The following KCNJ16 variants were observed in gnomAD, a reference collection of about 807,000 sequenced individuals.
KCNJ16 encodes the protein potassium inwardly rectifying channel subfamily J member 16, also known as inward rectifier potassium channel 16.
A neutral mutation model predicts 18.5 loss-of-function variants in KCNJ16; 15 were observed. The ratio of observed to expected loss-of-function variants is 0.81; its 90% CI spans 0.54 to 1.25. The LOEUF (loss-of-function observed/expected upper bound fraction) is 1.25. Ranked by LOEUF, KCNJ16 falls within the 50% of genes most tolerant of loss-of-function variation. The pLI, the probability that KCNJ16 is intolerant of heterozygous loss-of-function variation, is 0.00. For synonymous variants in KCNJ16, 174 were observed against 186.5 expected (o/e 0.93, Z 0.55); for missense variants, 523 against 525.7 (o/e 0.99, Z 0.05).
intron 2 of KCNJ16, among the ~76,000 whole-genome samples, chr17:70,116,585 TG>T (rs1185332789): frequency 6.6e-6 from 1 of 152,202 alleles, no homozygotes; most frequent in Non-Finnish European, 1.5e-5. Flanking sequence ...ACATTAATAT[TG>T]GGGGAGTCAC....
intron 2 of KCNJ16, among the ~76,000 whole-genome samples, chr17:70,104,376 G>T (rs1216377048): frequency 6.6e-6 from 1 of 152,180 alleles, no homozygotes; most frequent in Non-Finnish European, 1.5e-5. Context: ...TCTAAACTTT[G>T]TCCTTGGAGT....
intron 1 of KCNJ16, among the ~76,000 whole-genome samples, chr17:70,083,156 G>A (rs1488514858): frequency 6.7e-6 from 1 of 150,288 alleles, no homozygotes; most frequent in Admixed American, 6.7e-5. Context: ...CCAGGTTCAA[G>A]CAATTCTCTT....
rs111472888 is a variant in KCNJ16, at chr17:70,135,188, C to T, written c.*1844C>T. On this transcript the variant is annotated 3_prime_UTR_variant, in exon 4 of 4. Coordinates refer to ENST00000392671, the MANE Select transcript of KCNJ16 (RefSeq NM_170741.4). Reference sequence around the variant, plus strand: ...TTTTTAGTCTTGCTTGAGGAATGCACACTCCATTTAAAAAATTGTGCGCTC... The same window carrying T: ...TTTTTAGTCTTGCTTGAGGAATGCATACTCCATTTAAAAAATTGTGCGCTC... 0.015 allele frequency: 2,561 copies of T among 166,960 alleles called. 26 individuals are homozygous for T. The highest frequency in any genetic ancestry group is 0.024 in the Middle Eastern group (7 of 296). 10.3% of individuals were successfully genotyped at this position (166,960 alleles called of 1,614,324 possible).
chr17:70,077,870 A>C (rs1483458310), intron 1 of KCNJ16, among the ~76,000 whole-genome samples: 3 of 150,684 alleles, frequency 2.0e-5, no homozygotes, highest in African/African-American at 7.3e-5. Flanking sequence ...CAGATTCAGA[A>C]AAAAAAAAAA....
intron 1 of KCNJ16, among the ~76,000 whole-genome samples, chr17:70,095,685 T>G (rs1165912156): frequency 6.6e-6 from 1 of 152,014 alleles, no homozygotes; most frequent in Non-Finnish European, 1.5e-5. Flanking sequence ...CAATCTTTAT[T>G]AGGATCTCTA....
intron 2 of KCNJ16, among the ~76,000 whole-genome samples, chr17:70,107,127 T>C (rs1036943884): frequency 6.6e-6 from 1 of 152,224 alleles, no homozygotes; most frequent in South Asian, 2.1e-4. Flanking sequence ...GGTTAAATTC[T>C]TATAATTGTC....
At chr17:70,118,517 C>T (rs536937364) in intron 2 of KCNJ16, among the ~76,000 whole-genome samples, 1 of 152,180 alleles carries the variant, frequency 6.6e-6, no homozygotes, top group East Asian at 1.9e-4. Context: ...ATGCCAGCAC[C>T]TGCTTCTGGG....
At position 70,134,162 on chromosome 17, in the gene KCNJ16, A is replaced by C. The variant is rs958977610; in HGVS notation, c.*818A>C. 6.0e-6 allele frequency: 1 copy of C among 167,114 alleles called. No homozygotes were observed. The highest frequency in any genetic ancestry group is 2.4e-5 in the African/African-American group (1 of 41,466). The allele number at this position is 167,114 out of a possible 1,614,324, so 10.4% of individuals were successfully genotyped here. ...TCCCACCTTCTTCGAGGACATGACCAAGGGACAGGATCATACAGATGAGGT... is the reference window on the plus strand; with the variant it reads ...TCCCACCTTCTTCGAGGACATGACCCAGGGACAGGATCATACAGATGAGGT... On this transcript the variant is annotated 3_prime_UTR_variant, in exon 4 of 4. Transcript: ENST00000392671.
At chr17:70,102,720 C>T (rs563593983) in intron 2 of KCNJ16, among the ~76,000 whole-genome samples, 8 of 152,228 alleles carry the variant, frequency 5.3e-5, no homozygotes, top group East Asian at 1.9e-4. Context: ...CATTTGACAG[C>T]GGAACTCTCT....
At position 70,132,439 on chromosome 17, in the gene KCNJ16, T is replaced by G. The variant is rs1409002942; in HGVS notation, c.352T>G (p.Phe118Val). The change falls in exon 4 of 4, where the codon TTC becomes GTC. Residue 118 changes from phenylalanine to valine, a missense_variant. Phe to Val is a conservative substitution (Grantham distance 50, BLOSUM62 -1). Transcript: ENST00000392671. ...ITPCVDNVHS[F>V]TGAFLFSLET... is the part of the protein sequence containing the mutation. ...ACCTTGTGTTGACAACGTCCATTCT[T>G]TCACAGGGGCCTTTTTGTTCTCCCT... 1.2e-6 allele frequency: 2 copies of G among 1,614,078 alleles called. No homozygotes were observed. The highest frequency in any genetic ancestry group is 1.1e-5 in the South Asian group (1 of 91,090).
At chr17:70,107,108 A>G (rs909368616) in intron 2 of KCNJ16, among the ~76,000 whole-genome samples, 1 of 152,170 alleles carries the variant, frequency 6.6e-6, no homozygotes, top group African/African-American at 2.4e-5. Flanking sequence ...GTATTTTACA[A>G]TGCTATCTGG....
intron 1 of KCNJ16, among the ~76,000 whole-genome samples, chr17:70,092,860 C>T (rs2072188337): frequency 6.6e-6 from 1 of 152,172 alleles, no homozygotes; most frequent in Non-Finnish European, 1.5e-5. Flanking sequence ...TTTGTCCTTC[C>T]TCCACCATTT....
chr17:70,080,818 T>C lies in KCNJ16; in HGVS notation c.-300+5428T>C, dbSNP rs114682723. On this transcript the variant is annotated intron_variant, in intron 1 of 3. Transcript: ENST00000392671. ...TTCTGTCTCTACTTCGGGAAAATAA[T>C]CTAAAGTAAGCTCACAAAACAAGGT... 4.4e-3 allele frequency among the ~76,000 whole-genome samples: 670 copies of C among 152,290 alleles called. 7 individuals are homozygous for C. The highest frequency in any genetic ancestry group is 0.015 in the African/African-American group (628 of 41,562).
chr17:70,123,267 T>C (rs1018361212), intron 2 of KCNJ16, among the ~76,000 whole-genome samples: 8 of 142,872 alleles, frequency 5.6e-5, no homozygotes, highest in African/African-American at 2.0e-4. Context: ...GAAAAGATAT[T>C]GAAAAGATAA....
intron 2 of KCNJ16, among the ~76,000 whole-genome samples, chr17:70,104,336 G>C (rs2072812238): frequency 6.6e-6 from 1 of 152,126 alleles, no homozygotes; most frequent in Non-Finnish European, 1.5e-5. Context: ...TGAACAAACA[G>C]CAAAACAAGA....
chr17:70,124,199 C>T (rs1484028884), intron 2 of KCNJ16, among the ~76,000 whole-genome samples: 3 of 152,202 alleles, frequency 2.0e-5, no homozygotes, highest in Admixed American at 6.5e-5. Context: ...CTAGGCCAAA[C>T]CTTCTTGGAT....
intron 2 of KCNJ16, among the ~76,000 whole-genome samples, chr17:70,117,513 G>A (rs2073459398): frequency 1.3e-5 from 2 of 152,110 alleles, no homozygotes; most frequent in Admixed American, 6.5e-5. Context: ...TGAGGAAGAC[G>A]ATAACATAAA....
At chr17:70,121,461 C>T (rs554504088) in intron 2 of KCNJ16, among the ~76,000 whole-genome samples, 8 of 152,242 alleles carry the variant, frequency 5.3e-5, no homozygotes, top group South Asian at 2.1e-4. Context: ...AAGGAAGATA[C>T]GGTGAAGATC....
At chr17:70,110,649 A>G (rs1438067763) in intron 2 of KCNJ16, among the ~76,000 whole-genome samples, 1 of 152,164 alleles carries the variant, frequency 6.6e-6, no homozygotes, top group Non-Finnish European at 1.5e-5. Flanking sequence ...TGCTTTCCTC[A>G]GGATGCCCTG....
Sources: gnomAD v4.1 joint callset for allele counts (sites outside exome capture counted in the v4.1 genomes callset) on GRCh38, gnomAD v4.1.1 for gene constraint, MANE v1.5 for transcripts, NCBI Gene and HGNC (gene_info 2026-07-23, HGNC 2026-07-21) for gene names.